IKZF2: variants seen among roughly 807,000 people sequenced by gnomAD.
IKZF2 encodes IKAROS family zinc finger 2.
A neutral mutation model predicts 49.2 loss-of-function variants in IKZF2; 15 were observed. That is an observed-to-expected ratio of 0.30 (90% CI 0.20 to 0.47). IKZF2 has a LOEUF of 0.47. Among genes scored for constraint, IKZF2 ranks in the 20% least tolerant of loss-of-function variants. The pLI is 1.00. For missense variants in IKZF2, 567 were observed against 664.6 expected (o/e 0.85, Z 1.61); for synonymous variants, 227 against 221.4 (o/e 1.03, Z -0.23).
Position 213,007,483 on chromosome 2 carries a change from G to C in IKZF2, c.1458C>G (p.Tyr486Ter). The C allele has an allele frequency of 6.2e-7, 1 of 1,613,676 alleles. No homozygotes were observed. Among genetic ancestry groups the C allele is most frequent in the Non-Finnish European group, 8.5e-7 (1 of 1,179,704 alleles). Reference sequence around the variant, plus strand: ...AGCCATGGCAACCCATGTGAATGGTGTACATGACATGGTCTAGGAAAAGGA... The same window carrying C: ...AGCCATGGCAACCCATGTGAATGGTCTACATGACATGGTCTAGGAAAAGGA... ...CRVLFLDHVM[Y>*]TIHMGCHGYR... Residue 486 changes from tyrosine to a stop codon, truncating the protein, a stop_gained, in exon 9 of 9, where the codon TAC (tyrosine) becomes TAG (stop). Transcript: ENST00000434687. LOFTEE classifies it high-confidence loss of function.
chr2:213,035,875 A>G (rs1192940948), intron 6 of IKZF2, among the ~76,000 whole-genome samples: 2 of 152,178 alleles, frequency 1.3e-5, no homozygotes, highest in African/African-American at 4.8e-5. Context: ...TGGAGAATAG[A>G]TTGGGAAGCA....
chr2:213,051,156 AT>A (rs1295012581), intron 5 of IKZF2, among the ~76,000 whole-genome samples: 1 of 152,080 alleles, frequency 6.6e-6, no homozygotes, highest in Non-Finnish European at 1.5e-5. Flanking sequence ...AAACTCAATG[AT>A]TCTTTTATTA....
chr2:213,062,714 T>G (rs1315909693), intron 4 of IKZF2, among the ~76,000 whole-genome samples: 1 of 152,002 alleles, frequency 6.6e-6, no homozygotes, highest in Non-Finnish European at 1.5e-5. Context: ...TTTCCCAGTC[T>G]ATGCCAGACA....
At chr2:213,072,077 G>A (rs1702767716) in intron 4 of IKZF2, among the ~76,000 whole-genome samples, 1 of 152,006 alleles carries the variant, frequency 6.6e-6, no homozygotes, top group Non-Finnish European at 1.5e-5. Context: ...ATAGTTGCAA[G>A]CTTTCACTAT....
chr2:213,021,250 A>T (rs1406707716), intron 7 of IKZF2, among the ~76,000 whole-genome samples: 1 of 152,048 alleles, frequency 6.6e-6, no homozygotes, highest in East Asian at 1.9e-4. Context: ...ATTTAAAAAA[A>T]TAAATAAAAG....
At chr2:213,037,532 G>A (rs966567298) in intron 6 of IKZF2, among the ~76,000 whole-genome samples, 6 of 152,142 alleles carry the variant, frequency 3.9e-5, no homozygotes, top group Admixed American at 1.3e-4. Flanking sequence ...TCTTACAGCC[G>A]GCCTGACTGA....
At chr2:213,137,100 T>G (rs1482723598) in intron 4 of IKZF2, among the ~76,000 whole-genome samples, 1 of 152,120 alleles carries the variant, frequency 6.6e-6, no homozygotes, top group Non-Finnish European at 1.5e-5. Flanking sequence ...TGTGTTTTGT[T>G]GAGGTACGGG....
rs572617201 is a variant in IKZF2 at position 213,038,263 on chromosome 2, G to C, written c.574+11450C>G. 6.6e-5 allele frequency among the ~76,000 whole-genome samples: 10 copies of C among 152,204 alleles called. No individual in the cohort carries two copies. In the South Asian group the frequency reaches 2.1e-3, roughly 32 times the overall value. ...TTGAGTAGAGACGGGGTTTCACCGT[G>C]TTAGCCAGGATGGTCTCGATCTCCT... On this transcript the variant is annotated intron_variant, in intron 6 of 8. Transcript: ENST00000434687.
intron 4 of IKZF2, among the ~76,000 whole-genome samples, chr2:213,096,857 A>T (rs1706054389): frequency 6.6e-6 from 1 of 152,026 alleles, no homozygotes; most frequent in African/African-American, 2.4e-5. Context: ...TATCAATAAA[A>T]CCAATACAAT....
intron 4 of IKZF2, among the ~76,000 whole-genome samples, chr2:213,087,861 T>C (rs1317718536): frequency 6.6e-6 from 1 of 152,220 alleles, no homozygotes; most frequent in East Asian, 1.9e-4. Context: ...ATAGTATTTA[T>C]TCCATGGTGT....
At chr2:213,079,819 T>C (rs1410536990) in intron 4 of IKZF2, among the ~76,000 whole-genome samples, 2 of 152,196 alleles carry the variant, frequency 1.3e-5, no homozygotes, top group Non-Finnish European at 2.9e-5. Flanking sequence ...TAGTGCCCAC[T>C]GTTTTTCCAC....
intron 5 of IKZF2, 51 bp from the exon 6 acceptor site, chr2:213,049,931 A>T: frequency 7.6e-7 from 1 of 1,323,974 alleles, no homozygotes; most frequent in East Asian, 2.6e-5. Flanking sequence ...TGTGCAAGTG[A>T]CTAATTTGCC....
At chr2:213,112,488 T>A in intron 4 of IKZF2, among the ~76,000 whole-genome samples, 1 of 148,878 alleles carries the variant, frequency 6.7e-6, no homozygotes. Flanking sequence ...TAAGACAGGG[T>A]CTCACCCTGT....
At chr2:213,016,742 C>T (rs377361147) in intron 7 of IKZF2, among the ~76,000 whole-genome samples, 2 of 152,208 alleles carry the variant, frequency 1.3e-5, no homozygotes, top group African/African-American at 4.8e-5. Flanking sequence ...TGTTTCATCA[C>T]GTTGATAACC....
chr2:213,054,820 T>G (rs1194272555), intron 5 of IKZF2, among the ~76,000 whole-genome samples: 3 of 152,184 alleles, frequency 2.0e-5, no homozygotes, highest in African/African-American at 4.8e-5. Context: ...TCTGTATAAC[T>G]GTTTATAAAC....
At chr2:213,151,967 C>A (rs868282877), upstream of IKZF2, among the ~76,000 whole-genome samples, 2 of 151,718 alleles carry the variant, frequency 1.3e-5, no homozygotes, top group African/African-American at 2.4e-5. Flanking sequence ...CTCCGCGACG[C>A]GCGCACTCCC....
rs147445489 is a variant in IKZF2 at position 213,002,668 on chromosome 2, A to G, written c.*4692T>C. 7.9e-3 allele frequency: 1,206 copies of G among 152,006 alleles called. 9 individuals are homozygous for G. Among genetic ancestry groups the G allele is most frequent in the Non-Finnish European group, 0.013 (895 of 67,530 alleles). 9.4% of individuals were successfully genotyped at this position (152,006 alleles called of 1,614,324 possible). ...CTTTGGAGAATAGCAATGTGATATG[A>G]CTGTTCAGTTTTGCTTTGTTCAAGG... On this transcript the variant is annotated 3_prime_UTR_variant, in exon 9 of 9. Coordinates refer to ENST00000434687, the MANE Select transcript of IKZF2 (RefSeq NM_001387220.1).
intron 4 of IKZF2, among the ~76,000 whole-genome samples, chr2:213,130,643 T>C (rs1272586739): frequency 1.3e-5 from 2 of 152,246 alleles, no homozygotes; most frequent in South Asian, 4.1e-4. Context: ...ACAGTTCTTT[T>C]TGGCACATAA....
intron 4 of IKZF2, among the ~76,000 whole-genome samples, chr2:213,139,275 T>A (rs1034249837): frequency 3.3e-5 from 5 of 151,940 alleles, no homozygotes; most frequent in Non-Finnish European, 7.4e-5. Context: ...TTGGTTGAAC[T>A]AGGGAATCTA....
Sources: gnomAD v4.1 joint callset for allele counts (sites outside exome capture counted in the v4.1 genomes callset) on GRCh38, gnomAD v4.1.1 for gene constraint, MANE v1.5 for transcripts, NCBI Gene and HGNC (gene_info 2026-07-23, HGNC 2026-07-21) for gene names.